ERBB4: variants seen among roughly 807,000 people sequenced by gnomAD.
ERBB4 encodes erb-b2 receptor tyrosine kinase 4.
Under a neutral mutation model 158.0 loss-of-function variants are expected in ERBB4, and 42 were observed. That is an observed-to-expected ratio of 0.27 (90% CI 0.21 to 0.34). The LOEUF (loss-of-function observed/expected upper bound fraction) is 0.34. Ranked by LOEUF, ERBB4 falls within the 10% of genes least tolerant of loss-of-function variation. The pLI is 1.00. For missense variants in ERBB4, 1,333 were observed against 1,624.1 expected, an observed-to-expected ratio of 0.82 and a Z score of 3.08; for synonymous variants, 583 against 558.7, an observed-to-expected ratio of 1.04 and a Z score of -0.61.
chr2:211,434,819 A>G (rs2063816281), intron 20 of ERBB4, among the ~76,000 whole-genome samples: 1 of 152,236 alleles, frequency 6.6e-6, no homozygotes, highest in Non-Finnish European at 1.5e-5. Flanking sequence ...GAACGTAAGT[A>G]TCTATATCAT....
chr2:211,471,189 G>C (rs1464626630), intron 20 of ERBB4, among the ~76,000 whole-genome samples: 1 of 152,086 alleles, frequency 6.6e-6, no homozygotes, highest in African/African-American at 2.4e-5. Flanking sequence ...ATGAGGCTGA[G>C]AGGGAGAAGA....
intron 1 of ERBB4, among the ~76,000 whole-genome samples, chr2:212,290,663 C>CGTGT (rs147501591): frequency 6.7e-6 from 1 of 150,312 alleles, no homozygotes; most frequent in African/African-American, 2.4e-5. Context: ...TATTTCTTTT[C>CGTGT]GTGTGTGTGT....
At chr2:211,818,236 AT>A (rs1207943953) in intron 3 of ERBB4, among the ~76,000 whole-genome samples, 3 of 152,150 alleles carry the variant, frequency 2.0e-5, no homozygotes, top group African/African-American at 7.2e-5. Context: ...TAGGAAAAAA[AT>A]ATCTAAATAT....
chr2:212,056,536 G>A (rs1447175761), intron 2 of ERBB4, among the ~76,000 whole-genome samples: 1 of 152,110 alleles, frequency 6.6e-6, no homozygotes, highest in Non-Finnish European at 1.5e-5. Flanking sequence ...GAGAAAGGTC[G>A]GGTTACCCAT....
rs77748546 is a variant in ERBB4, at chr2:212,226,353, G to T, written c.83-101450C>A. On this transcript the variant is annotated intron_variant, in intron 1 of 27. Transcript: ENST00000342788. Reference sequence around the variant, plus strand: ...CAGTTTTGTGAGACACTCTGAGCAGGATCTAGCCATGCTATACCTGTACCT... The same window carrying T: ...CAGTTTTGTGAGACACTCTGAGCAGTATCTAGCCATGCTATACCTGTACCT... Among the ~76,000 whole-genome samples the T allele has an allele frequency of 7.1e-3, 1,069 of 151,334 alleles. 17 individuals are homozygous for T. Among genetic ancestry groups the T allele is most frequent in the African/African-American group, 0.024 (982 of 41,442 alleles).
intron 2 of ERBB4, among the ~76,000 whole-genome samples, chr2:211,990,713 C>T (rs1295675520): frequency 6.6e-6 from 1 of 151,678 alleles, no homozygotes; most frequent in Non-Finnish European, 1.5e-5. Flanking sequence ...AAAAGTTCAG[C>T]CTGGAACATG....
At chr2:211,652,930 TAATAG>T (rs1195654299) in intron 16 of ERBB4, among the ~76,000 whole-genome samples, 3 of 152,042 alleles carry the variant, frequency 2.0e-5, no homozygotes, top group Non-Finnish European at 4.4e-5. Context: ...ATTTCAGCCC[TAATAG>T]AATAGGAGAC....
chr2:212,046,827 CT>C (rs1346135374), intron 2 of ERBB4, among the ~76,000 whole-genome samples: 3 of 152,124 alleles, frequency 2.0e-5, no homozygotes, highest in African/African-American at 7.2e-5. Flanking sequence ...CTGTTTTTTT[CT>C]CCCAAAAGTT....
intron 20 of ERBB4, among the ~76,000 whole-genome samples, chr2:211,467,578 T>A (rs1033393416): frequency 6.6e-6 from 1 of 152,162 alleles, no homozygotes; most frequent in Non-Finnish European, 1.5e-5. Context: ...CTGGAAAGTA[T>A]AAACCAAAAA....
chr2:212,125,625 G>T lies in ERBB4; in HGVS notation c.83-722C>A, dbSNP rs1215117698. 2.6e-5 allele frequency among the ~76,000 whole-genome samples: 4 copies of T among 152,096 alleles called. No homozygotes were observed. The East Asian group carries it at 7.7e-4, about 29-fold the overall frequency. On this transcript the variant is annotated intron_variant, in intron 1 of 27. Transcript: ENST00000342788. ...ATGTTTTTCTCCTCTATGTGTCCAT[G>T]TGTTCTCATCATTTAGCTCCCACTT...
Position 211,699,089 on chromosome 2 carries a change from T to C in ERBB4, c.1489+2878A>G, listed in dbSNP as rs144737248. Among the ~76,000 whole-genome samples the C allele has an allele frequency of 2.7e-3, 409 of 152,322 alleles. 7 individuals carry two copies. Among genetic ancestry groups the C allele is most frequent in the Middle Eastern group, 0.024 (7 of 294 alleles). On this transcript the variant is annotated intron_variant, in intron 12 of 27. Transcript: ENST00000342788. ...GAATTCCAAAAAACACCATTACAAA[T>C]GAAGGATTGCCTTTTCATTAAGTTC...
At chr2:212,242,594 G>A (rs1341253920) in intron 1 of ERBB4, among the ~76,000 whole-genome samples, 1 of 151,956 alleles carries the variant, frequency 6.6e-6, no homozygotes, top group Non-Finnish European at 1.5e-5. Flanking sequence ...AAGTGAAAGT[G>A]TATTGATAAG....
At chr2:211,693,603 C>CA (rs1174802388) in intron 12 of ERBB4, among the ~76,000 whole-genome samples, 1 of 152,124 alleles carries the variant, frequency 6.6e-6, no homozygotes, top group East Asian at 1.9e-4. Context: ...TGGGGTGTGA[C>CA]AGAGTAGAGT....
At chr2:212,172,083 A>AC (rs2081534948) in intron 1 of ERBB4, among the ~76,000 whole-genome samples, 1 of 152,026 alleles carries the variant, frequency 6.6e-6, no homozygotes, top group Admixed American at 6.6e-5. Flanking sequence ...GAAAAACACA[A>AC]CCCCCCAAAA....
At chr2:212,428,238 C>T (rs567604338) in intron 1 of ERBB4, among the ~76,000 whole-genome samples, 2 of 151,966 alleles carry the variant, frequency 1.3e-5, no homozygotes, top group South Asian at 2.1e-4. Context: ...TTTCTTATAC[C>T]AACATTTTTT....
chr2:212,078,910 T>A (rs1020542296), intron 2 of ERBB4, among the ~76,000 whole-genome samples: 1 of 151,302 alleles, frequency 6.6e-6, no homozygotes, highest in African/African-American at 2.4e-5. Context: ...TTAGTCTTAA[T>A]TTTATATAAA....
At chr2:211,964,433 T>G (rs901193991) in intron 2 of ERBB4, among the ~76,000 whole-genome samples, 4 of 152,150 alleles carry the variant, frequency 2.6e-5, no homozygotes, top group Non-Finnish European at 5.9e-5. Context: ...AACTAGAAAA[T>G]GTATTGTGGT....
chr2:211,539,293 A>G (rs2066735758), intron 20 of ERBB4, among the ~76,000 whole-genome samples: 1 of 151,942 alleles, frequency 6.6e-6, no homozygotes, highest in Non-Finnish European at 1.5e-5. Context: ...GACAGAATTG[A>G]AAAACCATAA....
chr2:211,710,529 G>A (rs2073657327), intron 9 of ERBB4, among the ~76,000 whole-genome samples: 1 of 152,078 alleles, frequency 6.6e-6, no homozygotes, highest in Non-Finnish European at 1.5e-5. Context: ...GGCCAGTGGG[G>A]ACTATGGTAA....
Sources: allele counts gnomAD v4.1 joint callset (sites outside exome capture counted in the v4.1 genomes callset), GRCh38; gene constraint gnomAD v4.1.1; transcripts MANE v1.5; gene names NCBI Gene and HGNC (gene_info 2026-07-23, HGNC 2026-07-21).